Variants in CNTNAP2 observed in about 807,000 individuals in gnomAD.
CNTNAP2 encodes contactin associated protein 2.
Under a neutral mutation model 155.2 loss-of-function variants are expected in CNTNAP2, and 98 were observed. That is an observed-to-expected ratio of 0.63 (90% CI 0.54 to 0.75). The LOEUF (loss-of-function observed/expected upper bound fraction) is 0.75, where lower values mean the gene tolerates loss of function less well. Ranked by LOEUF, CNTNAP2 falls within the 30% of genes least tolerant of loss-of-function variation. CNTNAP2 has a pLI of 0.00. For missense variants in CNTNAP2, 1,727 were observed against 1,688.1 expected, an observed-to-expected ratio of 1.02 and a Z score of -0.40; for synonymous variants, 651 against 631.2, an observed-to-expected ratio of 1.03 and a Z score of -0.47.
At chr7:147,050,521 T>A (rs573911557) in intron 4 of CNTNAP2, among the ~76,000 whole-genome samples, 1 of 152,100 alleles carries the variant, frequency 6.6e-6, no homozygotes, top group East Asian at 1.9e-4. Context: ...TCTTGCTGCC[T>A]GAGAAAAAAA....
At chr7:146,194,108 T>C (rs542436629) in intron 1 of CNTNAP2, among the ~76,000 whole-genome samples, 48 of 152,306 alleles carry the variant, frequency 3.2e-4, no homozygotes, top group Middle Eastern at 6.8e-3. Flanking sequence ...TTCCAAACTT[T>C]CTCACATTTT....
intron 1 of CNTNAP2, among the ~76,000 whole-genome samples, chr7:146,387,427 T>G (rs981808599): frequency 6.6e-6 from 1 of 152,320 alleles, no homozygotes; most frequent in African/African-American, 2.4e-5. Flanking sequence ...ATGTATTCAT[T>G]ATTCCCTTTC....
At chr7:147,051,727 T>C (rs1489048731) in intron 4 of CNTNAP2, among the ~76,000 whole-genome samples, 1 of 152,096 alleles carries the variant, frequency 6.6e-6, no homozygotes, top group African/African-American at 2.4e-5. Flanking sequence ...AGAGGATCAA[T>C]ATATTTGTGA....
intron 8 of CNTNAP2, among the ~76,000 whole-genome samples, chr7:147,208,959 T>G (rs960377830): frequency 6.6e-5 from 10 of 152,032 alleles, no homozygotes; most frequent in African/African-American, 2.4e-4. Context: ...AAAAAATGAT[T>G]ACTAAATTGA....
In CNTNAP2 at chr7:146,132,078, C is replaced by T. The variant is rs139283154; in HGVS notation, c.97+15105C>T. On this transcript the variant is annotated intron_variant, in intron 1 of 23. Coordinates refer to ENST00000361727, the MANE Select transcript of CNTNAP2 (RefSeq NM_014141.6). ...CTCAGGTAGATTCTTTATAGCATTGCGAGAATGGACTAATACAGAATCTGT... is the reference window on the plus strand; with the variant it reads ...CTCAGGTAGATTCTTTATAGCATTGTGAGAATGGACTAATACAGAATCTGT... Among the ~76,000 whole-genome samples, 26 of 152,190 alleles carry T rather than the reference C, an allele frequency of 1.7e-4. No homozygotes were observed. The East Asian group carries it at 2.9e-3, about 17-fold the overall frequency.
intron 1 of CNTNAP2, among the ~76,000 whole-genome samples, chr7:146,344,198 C>T (rs1048604043): frequency 6.6e-6 from 1 of 152,134 alleles, no homozygotes; most frequent in African/African-American, 2.4e-5. Context: ...TACCATATCA[C>T]CAAATCAGCA....
chr7:147,705,985 T>C (rs1477157135), intron 13 of CNTNAP2, among the ~76,000 whole-genome samples: 2 of 152,068 alleles, frequency 1.3e-5, no homozygotes, highest in Non-Finnish European at 2.9e-5. Flanking sequence ...TGGCTCATTT[T>C]TTTTTTGTCT....
At chr7:146,315,099 T>C (rs181859244) in intron 1 of CNTNAP2, among the ~76,000 whole-genome samples, 1 of 152,288 alleles carries the variant, frequency 6.6e-6, no homozygotes, top group African/African-American at 2.4e-5. Flanking sequence ...TTTATTGCTT[T>C]GTAGGCTCCC....
intron 1 of CNTNAP2, among the ~76,000 whole-genome samples, chr7:146,395,840 AGAGAGAG>A (rs1304984977): frequency 6.7e-6 from 1 of 149,770 alleles, no homozygotes; most frequent in African/African-American, 2.4e-5. Flanking sequence ...AGAGAGAGAG[AGAGAGAG>A]AGAGAGAGAT....
chr7:148,101,705 G>A (rs1406270616), intron 15 of CNTNAP2, among the ~76,000 whole-genome samples: 2 of 152,100 alleles, frequency 1.3e-5, no homozygotes, highest in African/African-American at 2.4e-5. Context: ...AATGCAACAT[G>A]TTTCAAAGCT....
rs1801293641 is a variant in CNTNAP2 at position 147,128,843 on chromosome 7, A to G, written c.1083+7A>G. 8.1e-6 allele frequency: 13 copies of G among 1,613,728 alleles called. No homozygotes were observed. The highest frequency in any genetic ancestry group is 1.1e-5 in the South Asian group (1 of 91,090). On this transcript the variant is annotated splice_region_variant and intron_variant, in intron 7 of 23. Coordinates refer to ENST00000361727, the MANE Select transcript of CNTNAP2 (RefSeq NM_014141.6). The stretch of plus-strand genomic sequence containing the variant: ...ATTAGAGCCCTCAAATGTGGTAAGG[A>G]TTTTCACCCGCAAAATATTGGTCTA...
At chr7:147,689,131 C>T (rs1019630050) in intron 13 of CNTNAP2, among the ~76,000 whole-genome samples, 6 of 149,988 alleles carry the variant, frequency 4.0e-5, no homozygotes, top group Admixed American at 2.7e-4. Context: ...TTCTTGAAAG[C>T]GGAGTATTCA....
At chr7:146,991,401 G>C (rs903634172) in intron 3 of CNTNAP2, among the ~76,000 whole-genome samples, 1 of 152,124 alleles carries the variant, frequency 6.6e-6, no homozygotes, top group African/African-American at 2.4e-5. Context: ...CAGAAGAAGA[G>C]AGAAATGATT....
intron 10 of CNTNAP2, among the ~76,000 whole-genome samples, chr7:147,424,025 G>A (rs376082507): frequency 1.3e-5 from 2 of 152,158 alleles, no homozygotes; most frequent in South Asian, 2.1e-4. Context: ...ATGGAAGAAT[G>A]TGGCTGGGGA....
chr7:146,419,271 G>A (rs1795978304), intron 1 of CNTNAP2, among the ~76,000 whole-genome samples: 1 of 151,960 alleles, frequency 6.6e-6, no homozygotes, highest in Non-Finnish European at 1.5e-5. Flanking sequence ...ACTACCATGA[G>A]AACAGTATGG....
At chr7:146,315,950 T>C (rs1166298913) in intron 1 of CNTNAP2, among the ~76,000 whole-genome samples, 1 of 152,174 alleles carries the variant, frequency 6.6e-6, no homozygotes, top group Admixed American at 6.5e-5. Flanking sequence ...CATTTGAAAT[T>C]ATAAAAAGTC....
chr7:146,601,715 A>T (rs1798952592), intron 1 of CNTNAP2, among the ~76,000 whole-genome samples: 1 of 152,228 alleles, frequency 6.6e-6, no homozygotes, highest in South Asian at 2.1e-4. Context: ...AAAACATATA[A>T]AGTCTCAATA....
chr7:147,043,836 C>G, intron 3 of CNTNAP2, 71 bp from the exon 4 acceptor site: 1 of 1,564,800 alleles, frequency 6.4e-7, no homozygotes, highest in South Asian at 1.1e-5. Flanking sequence ...TGTGTTTATT[C>G]TAGTAGACAG....
chr7:146,279,129 C>G (rs1800209656), intron 1 of CNTNAP2, among the ~76,000 whole-genome samples: 1 of 152,118 alleles, frequency 6.6e-6, no homozygotes, highest in South Asian at 2.1e-4. Context: ...GGATAAAGAA[C>G]CTCTCTGAGA....
Sources: allele counts gnomAD v4.1 joint callset (sites outside exome capture counted in the v4.1 genomes callset), GRCh38; gene constraint gnomAD v4.1.1; transcripts MANE v1.5; gene names NCBI Gene and HGNC (gene_info 2026-07-23, HGNC 2026-07-21).